The following PRKG1 variants were observed in gnomAD, a reference collection of about 807,000 sequenced individuals.
PRKG1 encodes cGMP-dependent protein kinase 1.
PRKG1 carries 35 observed loss-of-function variants against 88.1 expected under a neutral mutation model. That is an observed-to-expected ratio of 0.40 (90% CI 0.30 to 0.53). The LOEUF is 0.53. Ranked by LOEUF, PRKG1 falls within the 20% of genes least tolerant of loss-of-function variation. The pLI, the probability that PRKG1 is intolerant of heterozygous loss-of-function variation, is 0.59. For missense variants in PRKG1, 540 were observed against 839.8 expected (o/e 0.64, Z 4.41); for synonymous variants, 303 against 292.5 (o/e 1.04, Z -0.37).
chr10:51,795,935 A>G (rs1838999394), intron 3 of PRKG1, among the ~76,000 whole-genome samples: 1 of 152,092 alleles, frequency 6.6e-6, no homozygotes, highest in Non-Finnish European at 1.5e-5. Flanking sequence ...CCAACTTGAG[A>G]AAAATAATTC....
intron 2 of PRKG1, among the ~76,000 whole-genome samples, chr10:51,161,488 G>A (rs929119982): frequency 2.6e-5 from 4 of 152,060 alleles, no homozygotes; most frequent in Admixed American, 2.0e-4. Context: ...AGGTATTACT[G>A]GTGGAAATGA....
At chr10:51,485,782 T>A (rs146972583) in intron 3 of PRKG1, among the ~76,000 whole-genome samples, 4 of 152,304 alleles carry the variant, frequency 2.6e-5, no homozygotes, top group South Asian at 2.1e-4. Flanking sequence ...AGTACTGATT[T>A]GAGCTATGAG....
At chr10:51,447,819 G>A (rs1225508534) in intron 2 of PRKG1, among the ~76,000 whole-genome samples, 1 of 152,002 alleles carries the variant, frequency 6.6e-6, no homozygotes, top group Non-Finnish European at 1.5e-5. Flanking sequence ...ATGCCTGGGT[G>A]GAATTGCAAA....
chr10:51,659,993 A>G (rs12412862), intron 3 of PRKG1, among the ~76,000 whole-genome samples: 23,602 of 151,990 alleles, frequency 0.16, 2,013 homozygotes, highest in Non-Finnish European at 0.2. Flanking sequence ...AGGTCCCCAG[A>G]TTATTCATAT....
chr10:51,008,828 C>T (rs565795847), intron 1 of PRKG1, among the ~76,000 whole-genome samples: 1 of 152,262 alleles, frequency 6.6e-6, no homozygotes, highest in South Asian at 2.1e-4. Flanking sequence ...GAGTAAAGGA[C>T]ACATTTAGGT....
intron 2 of PRKG1, among the ~76,000 whole-genome samples, chr10:51,197,350 G>A (rs1281583286): frequency 2.6e-5 from 4 of 151,968 alleles, no homozygotes; most frequent in Non-Finnish European, 4.4e-5. Flanking sequence ...TCGGCTCACC[G>A]CAACCTCTTT....
chr10:51,342,205 G>C (rs2132549026), intron 2 of PRKG1, among the ~76,000 whole-genome samples: 1 of 152,252 alleles, frequency 6.6e-6, no homozygotes, highest in Non-Finnish European at 1.5e-5. Context: ...ACTCCTAATG[G>C]TTATTTGTAG....
intron 5 of PRKG1, among the ~76,000 whole-genome samples, chr10:52,037,005 C>G (rs1845632554): frequency 2.0e-5 from 3 of 152,266 alleles, no homozygotes; most frequent in Admixed American, 6.5e-5. Context: ...TAGGGGGCTT[C>G]CGAGGCGATC....
At chr10:52,166,853 A>ATG (rs1838483360) in intron 9 of PRKG1, among the ~76,000 whole-genome samples, 1 of 102,066 alleles carries the variant, frequency 9.8e-6, no homozygotes. Context: ...ATATATGTCT[A>ATG]TATATATATC....
At chr10:51,015,767 AT>A (rs1344727274) in intron 1 of PRKG1, among the ~76,000 whole-genome samples, 1 of 152,156 alleles carries the variant, frequency 6.6e-6, no homozygotes, top group African/African-American at 2.4e-5. Context: ...GGCATCTATA[AT>A]CCCAGCTATT....
chr10:51,025,602 A>G (rs1026764906), intron 1 of PRKG1, among the ~76,000 whole-genome samples: 4 of 152,060 alleles, frequency 2.6e-5, no homozygotes, highest in Non-Finnish European at 4.4e-5. Flanking sequence ...TTCCCCTCAA[A>G]GTGGTCTTCT....
At chr10:51,946,663 A>G (rs937888679) in intron 5 of PRKG1, among the ~76,000 whole-genome samples, 26 of 152,112 alleles carry the variant, frequency 1.7e-4, no homozygotes, top group African/African-American at 6.0e-4. Flanking sequence ...TCTGTTTGTT[A>G]GTTTTCCTCC....
At chr10:52,144,872 T>A (rs773264919) in intron 8 of PRKG1, among the ~76,000 whole-genome samples, 1 of 152,136 alleles carries the variant, frequency 6.6e-6, no homozygotes, top group South Asian at 2.1e-4. Flanking sequence ...AGATTTTTAT[T>A]AATAATTAAA....
At chr10:51,436,251 T>C (rs1334634349) in intron 2 of PRKG1, among the ~76,000 whole-genome samples, 1 of 151,710 alleles carries the variant, frequency 6.6e-6, no homozygotes, top group African/African-American at 2.4e-5. Flanking sequence ...CGTTGATCAG[T>C]GGTACTATCT....
intron 17 of PRKG1, among the ~76,000 whole-genome samples, chr10:52,292,581 G>A (rs1361479542): frequency 2.0e-5 from 3 of 151,852 alleles, no homozygotes; most frequent in South Asian, 2.1e-4. Context: ...GTAGATATGC[G>A]GCGTTATTTC....
At chr10:51,361,632 A>G (rs192027460) in intron 2 of PRKG1, among the ~76,000 whole-genome samples, 1 of 151,828 alleles carries the variant, frequency 6.6e-6, no homozygotes, top group African/African-American at 2.4e-5. Flanking sequence ...TCTAGGTTAA[A>G]CCTATCTCAT....
At chr10:51,858,360 T>TTA (rs376847965) in intron 4 of PRKG1, among the ~76,000 whole-genome samples, 6 of 27,390 alleles carry the variant, frequency 2.2e-4, no homozygotes, top group Non-Finnish European at 2.5e-4. Flanking sequence ...AATATATATA[T>TTA]TATATATAAT....
intron 3 of PRKG1, among the ~76,000 whole-genome samples, chr10:51,720,071 A>G: frequency 6.6e-6 from 1 of 152,190 alleles, no homozygotes; most frequent in East Asian, 1.9e-4. Context: ...TATCACAGGG[A>G]AAATAGGAGA....
intron 1 of PRKG1, among the ~76,000 whole-genome samples, chr10:51,048,059 T>C (rs755788916): frequency 6.6e-6 from 1 of 152,202 alleles, no homozygotes; most frequent in Non-Finnish European, 1.5e-5. Flanking sequence ...TCATAGCACA[T>C]AGAGCCATCT....
Sources: gnomAD v4.1 joint callset for allele counts (sites outside exome capture counted in the v4.1 genomes callset) on GRCh38, gnomAD v4.1.1 for gene constraint, MANE v1.5 for transcripts, NCBI Gene and HGNC (gene_info 2026-07-23, HGNC 2026-07-21) for gene names.